Variants in TBC1D5 observed in about 807,000 individuals in gnomAD.
TBC1D5 encodes TBC1 domain family member 5.
Under a neutral mutation model 100.3 loss-of-function variants are expected in TBC1D5, and 75 were observed. That is an observed-to-expected ratio of 0.75 (90% CI 0.62 to 0.91). The LOEUF is 0.91. Among genes scored for constraint, TBC1D5 ranks in the 40% least tolerant of loss-of-function variants. The pLI, the probability that TBC1D5 is intolerant of heterozygous loss-of-function variation, is 0.00. For synonymous variants in TBC1D5, 323 were observed against 325.6 expected (o/e 0.99, Z 0.09); for missense variants, 910 against 942.4 (o/e 0.97, Z 0.45).
intron 16 of TBC1D5, among the ~76,000 whole-genome samples, chr3:17,253,785 G>C (rs138241267): frequency 6.6e-6 from 1 of 152,334 alleles, no homozygotes; most frequent in East Asian, 1.9e-4. Flanking sequence ...ATGTTTATGA[G>C]ATGCATGTAT....
intron 14 of TBC1D5, among the ~76,000 whole-genome samples, chr3:17,300,354 C>T (rs2082701008): frequency 6.6e-6 from 1 of 152,054 alleles, no homozygotes; most frequent in Non-Finnish European, 1.5e-5. Context: ...CAATGCTTTT[C>T]CAGAAAAGAC....
intron 8 of TBC1D5, among the ~76,000 whole-genome samples, chr3:17,401,800 T>C (rs1468629399): frequency 1.4e-5 from 2 of 145,534 alleles, no homozygotes; most frequent in Non-Finnish European, 2.9e-5. Flanking sequence ...TAGTTAACAA[T>C]ATATACTGCA....
At chr3:17,485,704 A>G (rs367717592) in intron 3 of TBC1D5, among the ~76,000 whole-genome samples, 10 of 151,854 alleles carry the variant, frequency 6.6e-5, no homozygotes, top group South Asian at 2.1e-4. Context: ...GTATTCCATG[A>G]TGTATATGTG....
At chr3:17,613,191 C>T (rs1266817298) in intron 2 of TBC1D5, among the ~76,000 whole-genome samples, 1 of 152,116 alleles carries the variant, frequency 6.6e-6, no homozygotes, top group East Asian at 1.9e-4. Flanking sequence ...CAGCTTCATC[C>T]ACGTCCCTGC....
chr3:17,660,912 C>T (rs1455922207), intron 1 of TBC1D5, among the ~76,000 whole-genome samples: 3 of 152,084 alleles, frequency 2.0e-5, no homozygotes, highest in African/African-American at 7.2e-5. Flanking sequence ...CTGGAAATAG[C>T]TTTAATAAAC....
At chr3:17,287,480 TAG>T in intron 15 of TBC1D5, among the ~76,000 whole-genome samples, 1 of 152,284 alleles carries the variant, frequency 6.6e-6, no homozygotes, top group Middle Eastern at 3.4e-3. Flanking sequence ...AGGGAATGAA[TAG>T]ATAGAACAGT....
intron 2 of TBC1D5, among the ~76,000 whole-genome samples, chr3:17,546,359 T>G (rs1276905856): frequency 6.6e-6 from 1 of 152,202 alleles, no homozygotes; most frequent in Non-Finnish European, 1.5e-5. Flanking sequence ...ATGGCCTCAA[T>G]TACAAATGAA....
At chr3:17,199,276 C>T (rs930367470) in intron 18 of TBC1D5, among the ~76,000 whole-genome samples, 1 of 152,126 alleles carries the variant, frequency 6.6e-6, no homozygotes, top group East Asian at 1.9e-4. Flanking sequence ...ACAATCAATA[C>T]CTCATTTATC....
Position 17,419,971 on chromosome 3 carries a change from T to C in TBC1D5, c.167+8479A>G, listed in dbSNP as rs528142395. Among the ~76,000 whole-genome samples, 14 of 152,290 alleles carry C rather than the reference T, an allele frequency of 9.2e-5. No individual in the cohort carries two copies. The South Asian group carries it at 2.9e-3, about 32-fold the overall frequency. ...CCTCAGCCTGTTGGGATTACTGGTC[T>C]AAGTCCCTGCACCTGGCCTTCCCCT... is the stretch of plus-strand genomic sequence containing the variant. On this transcript the variant is annotated intron_variant, in intron 4 of 21. Transcript: ENST00000253692.
At chr3:17,439,859 ATCAT>A (rs1324045414) in intron 3 of TBC1D5, among the ~76,000 whole-genome samples, 27 of 152,248 alleles carry the variant, frequency 1.8e-4, no homozygotes, top group Non-Finnish European at 4.0e-4. Flanking sequence ...TATTAAAAAT[ATCAT>A]TCAAAGTAGT....
At chr3:17,284,976 C>G (rs947038682) in intron 15 of TBC1D5, among the ~76,000 whole-genome samples, 2 of 151,060 alleles carry the variant, frequency 1.3e-5, no homozygotes, top group African/African-American at 4.9e-5. Context: ...GAAAAAACAG[C>G]TTTTGTTATG....
At chr3:17,540,193 T>C (rs2096335759) in intron 2 of TBC1D5, among the ~76,000 whole-genome samples, 1 of 152,246 alleles carries the variant, frequency 6.6e-6, no homozygotes, top group Admixed American at 6.5e-5. Flanking sequence ...CTGTTTGTTT[T>C]GTTGTTGAGT....
chr3:17,218,106 G>T (rs949401555), intron 17 of TBC1D5, among the ~76,000 whole-genome samples: 8 of 151,980 alleles, frequency 5.3e-5, no homozygotes, highest in Non-Finnish European at 7.4e-5. Flanking sequence ...TTGTAAAAAA[G>T]ACTACTCTTT....
chr3:17,596,433 C>T (rs2060571721), intron 2 of TBC1D5, among the ~76,000 whole-genome samples: 1 of 151,272 alleles, frequency 6.6e-6, no homozygotes, highest in South Asian at 2.1e-4. Context: ...ATTCTCCTGC[C>T]TCAGTCTCCC....
intron 1 of TBC1D5, among the ~76,000 whole-genome samples, chr3:17,637,928 A>G (rs2064115117): frequency 1.3e-5 from 2 of 152,208 alleles, no homozygotes; most frequent in Admixed American, 6.5e-5. Flanking sequence ...CCCACTTACA[A>G]CATTACTTAT....
chr3:17,541,087 A>C (rs571885668), intron 2 of TBC1D5, among the ~76,000 whole-genome samples: 2 of 151,912 alleles, frequency 1.3e-5, no homozygotes, highest in South Asian at 4.2e-4. Context: ...AAAATCAGAA[A>C]ATGTGAGTCT....
chr3:17,538,150 CCT>C (rs1469110382), intron 2 of TBC1D5, among the ~76,000 whole-genome samples: 1 of 152,088 alleles, frequency 6.6e-6, no homozygotes, highest in Non-Finnish European at 1.5e-5. Flanking sequence ...ACCCCCACCC[CCT>C]GTTGCCCCCA....
chr3:17,294,934 A>G (rs112955255), intron 14 of TBC1D5, among the ~76,000 whole-genome samples: 8 of 152,228 alleles, frequency 5.3e-5, no homozygotes, highest in Admixed American at 1.3e-4. Flanking sequence ...ATCTGACACA[A>G]TAAGAATTTA....
At chr3:17,579,166 G>C (rs1360317999) in intron 2 of TBC1D5, among the ~76,000 whole-genome samples, 1 of 151,746 alleles carries the variant, frequency 6.6e-6, no homozygotes, top group Non-Finnish European at 1.5e-5. Flanking sequence ...AAATTAAAAA[G>C]TTTTTTTTAA....
Sources: gnomAD v4.1 joint callset for allele counts (sites outside exome capture counted in the v4.1 genomes callset) on GRCh38, gnomAD v4.1.1 for gene constraint, MANE v1.5 for transcripts, NCBI Gene and HGNC (gene_info 2026-07-23, HGNC 2026-07-21) for gene names.